RSRC1: variants seen among roughly 807,000 people sequenced by gnomAD.
The protein encoded by RSRC1 is arginine and serine rich coiled-coil 1, also known as serine/Arginine-related protein 53.
RSRC1 carries 39 observed loss-of-function variants against 49.1 expected under a neutral mutation model. The observed-to-expected ratio is 0.79, with a 90% CI of 0.61 to 1.04. The LOEUF is 1.04. Ranked by LOEUF, RSRC1 falls within the 50% of genes least tolerant of loss-of-function variation. The pLI is 0.00. For synonymous variants in RSRC1, 143 were observed against 130.8 expected, an observed-to-expected ratio of 1.09 and a Z score of -0.63; for missense variants, 388 against 402.4, an observed-to-expected ratio of 0.96 and a Z score of 0.31.
chr3:158,328,642 CT>C (rs905301669), intron 5 of RSRC1, among the ~76,000 whole-genome samples: 2 of 152,176 alleles, frequency 1.3e-5, no homozygotes, highest in African/African-American at 4.8e-5. Flanking sequence ...GTAACCCAAC[CT>C]TTCTCTCTGG....
chr3:158,501,077 C>T (rs113982399), intron 7 of RSRC1, among the ~76,000 whole-genome samples: 2,811 of 152,156 alleles, frequency 0.018, 74 homozygotes, highest in African/African-American at 0.064. Context: ...TCATTCAGTT[C>T]GAAGAATTTT....
At chr3:158,256,817 G>C (rs1017591952) in intron 4 of RSRC1, among the ~76,000 whole-genome samples, 1 of 152,108 alleles carries the variant, frequency 6.6e-6, no homozygotes, top group Non-Finnish European at 1.5e-5. Flanking sequence ...ATGTGTCCAG[G>C]AATTTATCCA....
intron 3 of RSRC1, among the ~76,000 whole-genome samples, chr3:158,181,094 G>A (rs1459038901): frequency 5.3e-5 from 8 of 152,088 alleles, no homozygotes; most frequent in Non-Finnish European, 8.8e-5. Context: ...GTGAGCCACC[G>A]CCCCTGGCCC....
intron 6 of RSRC1, among the ~76,000 whole-genome samples, chr3:158,373,163 T>G (rs1256396142): frequency 6.6e-6 from 1 of 151,850 alleles, no homozygotes; most frequent in Non-Finnish European, 1.5e-5. Context: ...TTTTTCTACA[T>G]AAACAATGAT....
chr3:158,396,862 T>C (rs1433743546), intron 6 of RSRC1, among the ~76,000 whole-genome samples: 2 of 152,154 alleles, frequency 1.3e-5, no homozygotes, highest in African/African-American at 2.4e-5. Context: ...AGCATTACAT[T>C]AAGTATTTTA....
At chr3:158,314,150 G>T (rs1728274298) in intron 5 of RSRC1, among the ~76,000 whole-genome samples, 1 of 152,130 alleles carries the variant, frequency 6.6e-6, no homozygotes, top group South Asian at 2.1e-4. Flanking sequence ...GAGTGCAGTG[G>T]CACGATCTCA....
intron 6 of RSRC1, among the ~76,000 whole-genome samples, chr3:158,357,832 C>T (rs1731240638): frequency 6.6e-6 from 1 of 152,128 alleles, no homozygotes; most frequent in Non-Finnish European, 1.5e-5. Context: ...TGGGCAAAGA[C>T]TTCAGGCCTT....
In RSRC1 at chr3:158,219,444, C is replaced by T. The variant is rs367693517; in HGVS notation, c.494+16199C>T. ...CATCCACTCAATTCCTATTCTTTCC[C>T]TAAAAATCCATGTAATTACATTTAT... On this transcript the variant is annotated intron_variant, in intron 4 of 9. Coordinates refer to ENST00000611884, the MANE Select transcript of RSRC1 (RefSeq NM_001271838.2). Among the ~76,000 whole-genome samples, 101 of 151,678 alleles carry T rather than the reference C, an allele frequency of 6.7e-4. 1 individual carries two copies. In the South Asian group the frequency reaches 0.02, roughly 30 times the overall value.
chr3:158,432,094 T>C (rs1735794762), intron 6 of RSRC1, among the ~76,000 whole-genome samples: 1 of 151,984 alleles, frequency 6.6e-6, no homozygotes, highest in African/African-American at 2.4e-5. Flanking sequence ...TTTGTGATCA[T>C]TCCAAAGTTC....
chr3:158,479,393 A>G (rs1227264249), intron 7 of RSRC1, among the ~76,000 whole-genome samples: 1 of 151,794 alleles, frequency 6.6e-6, no homozygotes, highest in East Asian at 1.9e-4. Context: ...GGAATTTGCG[A>G]ACCACTGCCC....
intron 7 of RSRC1, among the ~76,000 whole-genome samples, chr3:158,518,039 T>C (rs1740670313): frequency 6.7e-6 from 1 of 148,368 alleles, no homozygotes. Flanking sequence ...TCTATTTTTA[T>C]ACAATTTGAT....
chr3:158,201,323 A>G (rs1435919151), intron 3 of RSRC1, among the ~76,000 whole-genome samples: 2 of 152,060 alleles, frequency 1.3e-5, no homozygotes, highest in African/African-American at 4.8e-5. Flanking sequence ...TGACTGTAGT[A>G]TTTCTAATCA....
chr3:158,123,374 C>A (rs1559908962), intron 2 of RSRC1, among the ~76,000 whole-genome samples: 1 of 152,090 alleles, frequency 6.6e-6, no homozygotes, highest in African/African-American at 2.4e-5. Flanking sequence ...GCGGTGCAGT[C>A]ATATCTTTTG....
At position 158,333,232 on chromosome 3, in the gene RSRC1, G is replaced by A. The variant is rs990044367; in HGVS notation, c.532-21625G>A. On this transcript the variant is annotated intron_variant, in intron 5 of 9. Transcript: ENST00000611884. ...ATCTGCCCACCTTGGCCTCCCAAAC[G>A]CTTTTTTGTTTTTAGAAACATTGTG... 5.9e-5 allele frequency among the ~76,000 whole-genome samples: 9 copies of A among 151,974 alleles called. No homozygotes were observed. In the South Asian group the frequency reaches 1.0e-3, roughly 18 times the overall value.
intron 4 of RSRC1, among the ~76,000 whole-genome samples, chr3:158,203,486 G>C (rs367795879): frequency 1.3e-5 from 2 of 152,060 alleles, no homozygotes; most frequent in South Asian, 4.2e-4. Flanking sequence ...AACAATATTG[G>C]AATCAATATA....
At chr3:158,277,967 T>C (rs561856737) in intron 4 of RSRC1, among the ~76,000 whole-genome samples, 1 of 152,266 alleles carries the variant, frequency 6.6e-6, no homozygotes, top group East Asian at 1.9e-4. Flanking sequence ...AGCATTTTTA[T>C]GTCTACTGCT....
intron 5 of RSRC1, among the ~76,000 whole-genome samples, chr3:158,300,674 ATAATAT>A (rs1727492154): frequency 2.0e-5 from 3 of 152,210 alleles, no homozygotes; most frequent in Admixed American, 2.0e-4. Flanking sequence ...AAAATATATG[ATAATAT>A]TAAAATAAGA....
chr3:158,450,491 A>G (rs1037154420), intron 6 of RSRC1, among the ~76,000 whole-genome samples: 2 of 151,954 alleles, frequency 1.3e-5, no homozygotes, highest in Non-Finnish European at 2.9e-5. Flanking sequence ...GGACATGACT[A>G]AACATTTTTA....
intron 3 of RSRC1, among the ~76,000 whole-genome samples, chr3:158,199,342 G>A (rs1720886613): frequency 6.6e-6 from 1 of 151,968 alleles, no homozygotes. Context: ...GAGTATCTAG[G>A]ATGAGTTCAT....
Sources: gnomAD v4.1 joint callset for allele counts (sites outside exome capture counted in the v4.1 genomes callset) on GRCh38, gnomAD v4.1.1 for gene constraint, MANE v1.5 for transcripts, NCBI Gene and HGNC (gene_info 2026-07-23, HGNC 2026-07-21) for gene names.